Variants in FARS2 observed in about 807,000 individuals in gnomAD.
The protein encoded by FARS2 is phenylalanine--tRNA ligase, mitochondrial.
In FARS2, 40 loss-of-function variants were observed where a neutral mutation model predicts 46.4. The ratio of observed to expected loss-of-function variants is 0.86; its 90% CI spans 0.67 to 1.12. The LOEUF (loss-of-function observed/expected upper bound fraction) is 1.12. FARS2 is among the 50% of genes most tolerant of loss of function. The pLI, the probability that FARS2 is intolerant of heterozygous loss-of-function variation, is 0.00. For missense variants in FARS2, 513 were observed against 567.9 expected, an observed-to-expected ratio of 0.90 and a Z score of 0.98; for synonymous variants, 234 against 214.9, an observed-to-expected ratio of 1.09 and a Z score of -0.78.
intron 1 of FARS2, among the ~76,000 whole-genome samples, chr6:5,310,417 A>C (rs1769005928): frequency 6.6e-6 from 1 of 151,622 alleles, no homozygotes; most frequent in Admixed American, 6.6e-5. Context: ...GAAAAAAAAA[A>C]CCTACAAAGG....
intron 6 of FARS2, among the ~76,000 whole-genome samples, chr6:5,726,525 C>T (rs531352010): frequency 4.7e-4 from 71 of 152,328 alleles, no homozygotes; most frequent in Non-Finnish European, 7.8e-4. Context: ...AACAGTGGCA[C>T]TCGTGTTAAG....
In FARS2 at chr6:5,341,235, A is replaced by ATTTT. The variant is rs70974193; in HGVS notation, c.-21-27296_-21-27293dup. ...TATATATATATATATATATATATAT[A>ATTTT]TTTTTTTTTTTTTTTTTTTTTTCCC... On this transcript the variant is annotated intron_variant, in intron 1 of 6. Transcript: ENST00000274680. Among the ~76,000 whole-genome samples, 20 of 10,270 alleles carry ATTTT rather than the reference A, an allele frequency of 1.9e-3. 4 individuals carry two copies. Among genetic ancestry groups the ATTTT allele is most frequent in the Admixed American group, 0.011 (5 of 436 alleles). 6.7% of individuals were successfully genotyped at this position (10,270 alleles called of 152,430 possible).
intron 1 of FARS2, among the ~76,000 whole-genome samples, chr6:5,367,381 A>G (rs962562101): frequency 2.0e-5 from 3 of 152,122 alleles, no homozygotes; most frequent in African/African-American, 7.2e-5. Flanking sequence ...TTGTGAATGT[A>G]AATTATTTGT....
intron 1 of FARS2, among the ~76,000 whole-genome samples, chr6:5,341,675 C>T (rs1771667888): frequency 6.6e-6 from 1 of 151,822 alleles, no homozygotes; most frequent in Non-Finnish European, 1.5e-5. Context: ...CCCACCATCA[C>T]ACCCGGCTAA....
intron 6 of FARS2, among the ~76,000 whole-genome samples, chr6:5,731,718 A>G (rs1760636453): frequency 6.6e-6 from 1 of 152,144 alleles, no homozygotes; most frequent in Non-Finnish European, 1.5e-5. Flanking sequence ...TCACTTTGGG[A>G]CACGCTGTTT....
chr6:5,677,474 G>C (rs1228971821), intron 6 of FARS2, among the ~76,000 whole-genome samples: 1 of 152,208 alleles, frequency 6.6e-6, no homozygotes, highest in African/African-American at 2.4e-5. Context: ...AGACTTCTCT[G>C]GCAGTAGAGC....
chr6:5,743,925 C>T (rs1322485676), intron 6 of FARS2, among the ~76,000 whole-genome samples: 4 of 152,272 alleles, frequency 2.6e-5, no homozygotes, highest in African/African-American at 9.6e-5. Flanking sequence ...GTGTCACACT[C>T]ACCGTGCGTT....
At chr6:5,573,047 G>C (rs1348545511) in intron 5 of FARS2, among the ~76,000 whole-genome samples, 1 of 152,162 alleles carries the variant, frequency 6.6e-6, no homozygotes. Flanking sequence ...TATCCAGTCT[G>C]CCTCGCCCCC....
In FARS2 at chr6:5,613,310, G is replaced by A; in HGVS notation, c.1207G>A (p.Val403Ile). The A allele has an allele frequency of 6.2e-7, 1 of 1,612,524 alleles. No individual in the cohort carries two copies. The highest frequency in any genetic ancestry group is 1.1e-5 in the South Asian group (1 of 90,826). ...VEKVDLIDKFVHPKTHKTSHC... is the reference protein window; with the variant it reads ...VEKVDLIDKFIHPKTHKTSHC... ...AAAGGTTGATCTCATAGACAAGTTTGTACATCCAAAGTAAGTGAAAAGCTT... is the reference window on the plus strand; with the variant it reads ...AAAGGTTGATCTCATAGACAAGTTTATACATCCAAAGTAAGTGAAAAGCTT... The change falls in exon 6 of 7, where the codon GTA becomes ATA. Residue 403 changes from valine (V) to isoleucine (I), a missense_variant. Val to Ile is a conservative substitution (Grantham distance 29). Transcript: ENST00000274680.
At position 5,369,442 on chromosome 6, in the gene FARS2, C is replaced by T. The variant is rs76344326; in HGVS notation, c.612+260C>T. 9.9e-5 allele frequency among the ~76,000 whole-genome samples: 15 copies of T among 152,214 alleles called. No homozygotes were observed. In the East Asian group the frequency reaches 1.9e-3, roughly 20 times the overall value. ...CTTATCCTTTCTCTCAATACTGACC[C>T]GCCATTCTCTGGGTTACTTCTTATG... On this transcript the variant is annotated intron_variant, in intron 2 of 6. Coordinates refer to ENST00000274680, the MANE Select transcript of FARS2 (RefSeq NM_006567.5).
intron 1 of FARS2, among the ~76,000 whole-genome samples, chr6:5,362,968 C>T (rs1198166018): frequency 6.9e-5 from 10 of 145,772 alleles, no homozygotes; most frequent in Non-Finnish European, 1.3e-4. Context: ...ACTCTGTCGC[C>T]CAGGCTGGAG....
chr6:5,303,720 C>A (rs1330819145), intron 1 of FARS2, among the ~76,000 whole-genome samples: 1 of 152,028 alleles, frequency 6.6e-6, no homozygotes, highest in African/African-American at 2.4e-5. Context: ...ATGTGAAAAT[C>A]TGGGCTTGTG....
At chr6:5,298,611 C>A (rs561360603) in intron 1 of FARS2, among the ~76,000 whole-genome samples, 4 of 152,126 alleles carry the variant, frequency 2.6e-5, no homozygotes, top group Non-Finnish European at 4.4e-5. Flanking sequence ...AGTCTCATGT[C>A]CAGAGATTCC....
At chr6:5,748,500 G>A (rs1283860443) in intron 6 of FARS2, among the ~76,000 whole-genome samples, 1 of 152,168 alleles carries the variant, frequency 6.6e-6, no homozygotes, top group Non-Finnish European at 1.5e-5. Context: ...CAGCCATCAT[G>A]GCCACGGGCA....
chr6:5,559,369 A>G (rs1771860240), intron 5 of FARS2, among the ~76,000 whole-genome samples: 1 of 152,212 alleles, frequency 6.6e-6, no homozygotes, highest in East Asian at 1.9e-4. Flanking sequence ...ATGCCACTGC[A>G]TTCCAGCCTG....
At chr6:5,282,562 C>G (rs1475300338) in intron 1 of FARS2, among the ~76,000 whole-genome samples, 1 of 152,142 alleles carries the variant, frequency 6.6e-6, no homozygotes, top group East Asian at 1.9e-4. Context: ...AAAAAAAGAG[C>G]AGCTGTTCGA....
At chr6:5,273,344 T>C (rs1360807300) in intron 1 of FARS2, among the ~76,000 whole-genome samples, 1 of 152,234 alleles carries the variant, frequency 6.6e-6, no homozygotes, top group Non-Finnish European at 1.5e-5. Flanking sequence ...ATTCCCTTTT[T>C]GATAAAAGCC....
intron 6 of FARS2, among the ~76,000 whole-genome samples, chr6:5,758,950 A>T (rs960073946): frequency 6.6e-6 from 1 of 151,594 alleles, no homozygotes. Context: ...ACAAATAGGA[A>T]GGGCAGAGAG....
chr6:5,414,042 C>T (rs919825761), intron 3 of FARS2, among the ~76,000 whole-genome samples: 1 of 152,150 alleles, frequency 6.6e-6, no homozygotes, highest in South Asian at 2.1e-4. Context: ...CAAACAACTA[C>T]CATTATTTGA....
Sources: gnomAD v4.1 joint callset for allele counts (sites outside exome capture counted in the v4.1 genomes callset) on GRCh38, gnomAD v4.1.1 for gene constraint, MANE v1.5 for transcripts, NCBI Gene and HGNC (gene_info 2026-07-23, HGNC 2026-07-21) for gene names.